The following MTA3 variants were observed in gnomAD, a reference collection of about 807,000 sequenced individuals.
The protein encoded by MTA3 is metastasis associated 1 family member 3, also known as metastasis-associated protein MTA3.
A neutral mutation model predicts 83.5 loss-of-function variants in MTA3; 34 were observed. The ratio of observed to expected loss-of-function variants is 0.41; its 90% confidence interval spans 0.31 to 0.54. The LOEUF (loss-of-function observed/expected upper bound fraction) is 0.54. MTA3 is among the 20% of genes least tolerant of loss of function. The probability of loss-of-function intolerance (pLI) is 0.33; values close to 1 mark genes in which losing one functional copy is unlikely to be tolerated. For synonymous variants in MTA3, 303 were observed against 252.7 expected (o/e 1.20, Z -1.89); for missense variants, 761 against 726.4 (o/e 1.05, Z -0.55).
chr2:42,700,901 G>C (rs1409430660), intron 11 of MTA3, among the ~76,000 whole-genome samples: 1 of 152,130 alleles, frequency 6.6e-6, no homozygotes, highest in Non-Finnish European at 1.5e-5. Context: ...ACGAGTTTGA[G>C]ATCAGTCTGC....
chr2:42,753,994 CTA>C lies in MTA3; in HGVS notation c.*599_*600del. 2 of 985,458 alleles carry C rather than the reference CTA, an allele frequency of 2.0e-6. No homozygotes were observed. The highest frequency in any genetic ancestry group is 2.4e-6 in the Non-Finnish European group (2 of 829,906). The allele number at this position is 985,458 out of a possible 1,614,324, so 61.0% of individuals were successfully genotyped here. The stretch of plus-strand genomic sequence containing the variant: ...AATTTGCTGTTTACCCTCTGCATTC[CTA>C]TATGTGACCCTCCCTCCTACTCCTC... On this transcript the variant is annotated 3_prime_UTR_variant, in exon 17 of 17. Coordinates refer to ENST00000405094, the MANE Select transcript of MTA3 (RefSeq NM_001330442.2).
upstream of MTA3, among the ~76,000 whole-genome samples, chr2:42,567,276 C>T (rs549781555): frequency 5.3e-5 from 8 of 152,282 alleles, no homozygotes; most frequent in African/African-American, 1.2e-4. Flanking sequence ...ATTTTATAGA[C>T]GAGGAAACAG....
chr2:42,583,669 C>T (rs1307142540), intron 3 of MTA3, among the ~76,000 whole-genome samples: 2 of 151,942 alleles, frequency 1.3e-5, no homozygotes, highest in African/African-American at 2.4e-5. Flanking sequence ...GCTGAGAGTA[C>T]ACGCGCATGC....
At chr2:42,587,827 C>T (rs1236194106) in intron 3 of MTA3, among the ~76,000 whole-genome samples, 1 of 152,146 alleles carries the variant, frequency 6.6e-6, no homozygotes, top group Admixed American at 6.5e-5. Flanking sequence ...GTCTTGAACT[C>T]CTGGCCTCAA....
chr2:42,708,963 C>G lies in MTA3; in HGVS notation c.1392C>G (p.Thr464=), dbSNP rs1220375086. Reference sequence around the variant, plus strand: ...GGAGTCCAAAGTCTGCAGTGAAGACCCGCCAAGCTTTCTTCCTTCATACTA... The same window carrying G: ...GGAGTCCAAAGTCTGCAGTGAAGACGCGCCAAGCTTTCTTCCTTCATACTA... ...NTGSPKSAVK[T]RQAFFLHTTY... The change falls in exon 14 of 17, where the codon ACC becomes ACG. Residue 464 remains threonine (T), a synonymous_variant. Transcript: ENST00000405094. The G allele has an allele frequency of 4.3e-6, 7 of 1,613,972 alleles. No individual in the cohort carries two copies. Among genetic ancestry groups the G allele is most frequent in the Admixed American group, 1.7e-5 (1 of 60,014 alleles).
At chr2:42,731,432 G>A (rs897894114) in intron 16 of MTA3, among the ~76,000 whole-genome samples, 6 of 152,212 alleles carry the variant, frequency 3.9e-5, no homozygotes, top group Non-Finnish European at 7.3e-5. Flanking sequence ...GGAAGTCTCA[G>A]AATCTGGTGG....
chr2:42,729,392 C>T (rs770146634), intron 16 of MTA3, among the ~76,000 whole-genome samples: 6 of 152,060 alleles, frequency 3.9e-5, no homozygotes, highest in East Asian at 1.9e-4. Flanking sequence ...TGAGCCACTG[C>T]GCCCAGCCCA....
chr2:42,667,621 A>AAGAG (rs70963342), intron 8 of MTA3, among the ~76,000 whole-genome samples: 1,536 of 114,118 alleles, frequency 0.013, 16 homozygotes, highest in Non-Finnish European at 0.019. Flanking sequence ...TAGAGAGAGA[A>AAGAG]AGAGAGAGAG....
chr2:42,653,758 G>A (rs898521461), intron 6 of MTA3, among the ~76,000 whole-genome samples: 7 of 152,086 alleles, frequency 4.6e-5, no homozygotes, highest in African/African-American at 1.7e-4. Flanking sequence ...ATTAAAATTT[G>A]TCAATTTAAC....
chr2:42,588,611 C>T (rs1276624084), intron 3 of MTA3, among the ~76,000 whole-genome samples: 2 of 152,120 alleles, frequency 1.3e-5, no homozygotes, highest in East Asian at 3.8e-4. Flanking sequence ...TTTGCATTCT[C>T]ATTTTCTGAG....
chr2:42,667,999 G>C (rs1486098888), intron 8 of MTA3, among the ~76,000 whole-genome samples: 1 of 152,052 alleles, frequency 6.6e-6, no homozygotes, highest in East Asian at 1.9e-4. Context: ...CGTGTAGCCC[G>C]GCGCAAGTTA....
At chr2:42,601,119 ATGGTCTCCATCTCT>A (rs917760991) in intron 3 of MTA3, among the ~76,000 whole-genome samples, 1 of 151,802 alleles carries the variant, frequency 6.6e-6, no homozygotes, top group Non-Finnish European at 1.5e-5. Flanking sequence ...GTTGTCCAGG[ATGGTCTCCATCTCT>A]TGATCTCACG....
At chr2:42,593,951 G>GTTT (rs60176061) in intron 3 of MTA3, among the ~76,000 whole-genome samples, 5 of 140,300 alleles carry the variant, frequency 3.6e-5, no homozygotes, top group Non-Finnish European at 6.2e-5. Flanking sequence ...ATAGGATTAA[G>GTTT]TTTTTTTTTT....
At chr2:42,667,570 T>TTGTGTGTGTG (rs1553379043) in intron 8 of MTA3, among the ~76,000 whole-genome samples, 3 of 145,010 alleles carry the variant, frequency 2.1e-5, no homozygotes, top group Non-Finnish European at 3.0e-5. Flanking sequence ...CATTTAAAAA[T>TTGTGTGTGTG]TGTGTGTGTG....
intron 4 of MTA3, among the ~76,000 whole-genome samples, chr2:42,616,572 CTTTTTTTTTTT>C (rs70963338): frequency 2.7e-4 from 15 of 56,212 alleles, no homozygotes; most frequent in Admixed American, 6.4e-4. Flanking sequence ...TCTTCTTCTT[CTTTTTTTTTTT>C]TTTTTTTTTT....
chr2:42,563,801 T>TTCCTTCCTTCCTTCCTTCCTTCCC (rs1677775926), upstream of MTA3, among the ~76,000 whole-genome samples: 1 of 147,500 alleles, frequency 6.8e-6, no homozygotes, highest in Non-Finnish European at 1.5e-5. Flanking sequence ...CCTTCCTTCC[T>TTCCTTCCTTCCTTCCTTCCTTCCC]TCCTTCCTTC....
chr2:42,599,365 C>A (rs1232004539), intron 3 of MTA3, among the ~76,000 whole-genome samples: 2 of 151,992 alleles, frequency 1.3e-5, no homozygotes, highest in Non-Finnish European at 1.5e-5. Context: ...GAGGCCGAGG[C>A]GGGTGGATCA....
chr2:42,754,720 A>G lies in MTA3; in HGVS notation c.*1321A>G, dbSNP rs1481687014. The G allele has an allele frequency of 1.0e-6, 1 of 985,430 alleles. No homozygotes were observed. Among genetic ancestry groups the G allele is most frequent in the Non-Finnish European group, 1.2e-6 (1 of 829,976 alleles). The allele number at this position is 985,430 out of a possible 1,614,324, so 61.0% of individuals were successfully genotyped here. A position where few individuals can be genotyped will look rare whatever the true frequency, so the allele number is the denominator to read the frequency against. On this transcript the variant is annotated 3_prime_UTR_variant, in exon 17 of 17. Transcript: ENST00000405094. ...ACTAGGAGGCAGCTGGATGGCAGAT[A>G]CGAGAGGCCCAAATAGCCAAGCTGT...
At chr2:42,501,820 G>A (rs764037998) in intron 2 of MTA3, among the ~76,000 whole-genome samples, 1 of 151,896 alleles carries the variant, frequency 6.6e-6, no homozygotes, top group Non-Finnish European at 1.5e-5. Context: ...TCTCCTAAAA[G>A]TACAAAAATT....
Sources: allele counts gnomAD v4.1 joint callset (sites outside exome capture counted in the v4.1 genomes callset), GRCh38; gene constraint gnomAD v4.1.1; transcripts MANE v1.5; gene names NCBI Gene and HGNC (gene_info 2026-07-23, HGNC 2026-07-21).